Variants in ADCY5 observed in about 807,000 individuals in gnomAD.
The protein encoded by ADCY5 is adenylate cyclase type 5.
A neutral mutation model predicts 119.7 loss-of-function variants in ADCY5; 30 were observed. The observed-to-expected ratio is 0.25, with a 90% CI of 0.19 to 0.34. The LOEUF is 0.34. Among genes scored for constraint, ADCY5 ranks in the 10% least tolerant of loss-of-function variants. The pLI is 1.00. For missense variants in ADCY5, 1,324 were observed against 1,775.2 expected (o/e 0.75, Z 4.57); for synonymous variants, 753 against 762.2 (o/e 0.99, Z 0.20).
Position 123,365,544 on chromosome 3 carries a change from T to C in ADCY5, c.1135-12963A>G, listed in dbSNP as rs376000472. ...GCAAGGAGTATTTGAGCCTGGGTGA[T>C]GTATCTATGGGAAGAAGAGAGCTTC... is the stretch of plus-strand genomic sequence containing the variant. On this transcript the variant is annotated intron_variant, in intron 1 of 20. Transcript: ENST00000462833. 1.5e-4 allele frequency among the ~76,000 whole-genome samples: 23 copies of C among 152,184 alleles called. No individual in the cohort carries two copies. The East Asian group carries it at 1.9e-3, about 13-fold the overall frequency.
At chr3:123,419,022 AGAC>A in intron 1 of ADCY5, 1 of 509,288 alleles carries the variant, frequency 2.0e-6, no homozygotes. Flanking sequence ...TCCAGCTTAC[AGAC>A]AACAGCTCAT....
At chr3:123,370,401 C>G (rs1394873971) in intron 1 of ADCY5, among the ~76,000 whole-genome samples, 1 of 152,246 alleles carries the variant, frequency 6.6e-6, no homozygotes, top group Non-Finnish European at 1.5e-5. Flanking sequence ...CAGCCACAGA[C>G]AGCATTTCTC....
At position 123,347,843 on chromosome 3, in the gene ADCY5, T is replaced by C; in HGVS notation, c.1345A>G (p.Asn449Asp). 6.2e-7 allele frequency: 1 copy of C among 1,614,154 alleles called. No individual in the cohort carries two copies. Among genetic ancestry groups the C allele is most frequent in the Non-Finnish European group, 8.5e-7 (1 of 1,180,018 alleles). The part of the protein sequence containing the change: ...HVAMEMKADI[N>D]AKQEDMMFHK... ...AACATCATATCCTCCTGCTTGGCGT[T>C]GATGTCTGCTTTCATCTCCATGGCA... is the stretch of plus-strand genomic sequence containing the variant. The change falls in exon 3 of 21, where the codon AAC (asparagine) becomes GAC (aspartate). Residue 449 changes from asparagine to aspartate, a missense_variant. Physicochemically the swap from Asn to Asp is conservative, Grantham distance 23. Coordinates refer to ENST00000462833, the MANE Select transcript of ADCY5 (RefSeq NM_183357.3).
chr3:123,440,411 A>G (rs1945703257), intron 1 of ADCY5, among the ~76,000 whole-genome samples: 1 of 152,210 alleles, frequency 6.6e-6, no homozygotes, highest in African/African-American at 2.4e-5. Flanking sequence ...ACATGAGGCT[A>G]GCCTAAAGAA....
At chr3:123,371,475 A>G (rs1265484581) in intron 1 of ADCY5, among the ~76,000 whole-genome samples, 1 of 152,254 alleles carries the variant, frequency 6.6e-6, no homozygotes, top group Non-Finnish European at 1.5e-5. Context: ...AGATAAGAAC[A>G]TCGGCAATTT....
intron 2 of ADCY5, among the ~76,000 whole-genome samples, chr3:123,350,590 C>A (rs1942790202): frequency 6.6e-6 from 1 of 152,210 alleles, no homozygotes; most frequent in South Asian, 2.1e-4. Context: ...TCTGAGCCCA[C>A]TCATCACAGG....
intron 1 of ADCY5, among the ~76,000 whole-genome samples, chr3:123,420,609 C>T (rs1945285143): frequency 6.6e-6 from 1 of 152,134 alleles, no homozygotes; most frequent in Admixed American, 6.5e-5. Flanking sequence ...TTGAGGCCAG[C>T]CAAAGCCTCG....
chr3:123,424,415 G>C (rs757314640), intron 1 of ADCY5, among the ~76,000 whole-genome samples: 2 of 152,198 alleles, frequency 1.3e-5, no homozygotes, highest in African/African-American at 2.4e-5. Context: ...GGCCTCCCCA[G>C]GGGGAAGGCG....
chr3:123,398,604 AGATCAAATCTAAAT>A (rs1944668049), intron 1 of ADCY5, among the ~76,000 whole-genome samples: 2 of 152,302 alleles, frequency 1.3e-5, no homozygotes, highest in East Asian at 3.9e-4. Context: ...CCAGCTTATC[AGATCAAATCTAAAT>A]GTTTGTAATA....
chr3:123,296,914 C>A lies in ADCY5; in HGVS notation c.2930+439G>T, dbSNP rs1440019581. On this transcript the variant is annotated intron_variant, in intron 16 of 20. Transcript: ENST00000462833. ...GGCTGCACAGAGGCTCCAGTGACCCCCCGCCCCTTGCCCAGGCAGCAGCCC... is the reference window on the plus strand; with the variant it reads ...GGCTGCACAGAGGCTCCAGTGACCCACCGCCCCTTGCCCAGGCAGCAGCCC... The A allele has an allele frequency of 2.1e-6, 3 of 1,411,496 alleles. No homozygotes were observed. In the South Asian group the frequency reaches 4.0e-5, roughly 19 times the overall value. 87.4% of individuals were successfully genotyped at this position (1,411,496 alleles called of 1,614,324 possible).
In ADCY5 at chr3:123,342,557, A is replaced by G. The variant is rs559546837; in HGVS notation, c.1406+5225T>C. On this transcript the variant is annotated intron_variant, in intron 3 of 20. Coordinates refer to ENST00000462833, the MANE Select transcript of ADCY5 (RefSeq NM_183357.3). ...GGTGCCTGATCCAAGTTGGTGAACC[A>G]AGATCCCCCAACCCGTGCCCCATCC... 2.0e-5 allele frequency among the ~76,000 whole-genome samples: 3 copies of G among 152,214 alleles called. No homozygotes were observed. In the South Asian group the frequency reaches 6.2e-4, roughly 32 times the overall value.
At chr3:123,306,372 A>G (rs1026718608) in intron 12 of ADCY5, among the ~76,000 whole-genome samples, 3 of 152,338 alleles carry the variant, frequency 2.0e-5, no homozygotes, top group East Asian at 1.9e-4. Context: ...CTGTACAAAA[A>G]TGAACTCAAA....
chr3:123,436,892 G>A (rs947105847), intron 1 of ADCY5, among the ~76,000 whole-genome samples: 3 of 152,072 alleles, frequency 2.0e-5, no homozygotes, highest in African/African-American at 4.8e-5. Flanking sequence ...ATGCATTTTC[G>A]TCCTTAGTAA....
intron 10 of ADCY5, 135 bp downstream of exon 10, chr3:123,319,539 A>G (rs1483850149): frequency 5.6e-6 from 6 of 1,076,872 alleles, no homozygotes; most frequent in African/African-American, 1.6e-5. Flanking sequence ...TAGGTAGTGC[A>G]GCATCAGAGC....
In ADCY5 at chr3:123,304,060, C is replaced by T. The variant is rs956330230; in HGVS notation, c.2559+7G>A. On this transcript the variant is annotated splice_region_variant and intron_variant, in intron 13 of 20. Coordinates refer to ENST00000462833, the MANE Select transcript of ADCY5 (RefSeq NM_183357.3). ...CGGAGGTGCTAGGAGGTCGTGCAGC[C>T]ACCCACCATGTTGACAAAAGCCGCC... 1.9e-6 allele frequency: 3 copies of T among 1,595,378 alleles called. No homozygotes were observed. The highest frequency in any genetic ancestry group is 2.6e-6 in the Non-Finnish European group (3 of 1,163,160).
In ADCY5 at chr3:123,287,670, C is replaced by T. The variant is rs565647511; in HGVS notation, c.3533-861G>A. 4.7e-4 allele frequency among the ~76,000 whole-genome samples: 71 copies of T among 152,310 alleles called. 1 individual carries two copies. The highest frequency in any genetic ancestry group is 4.5e-3 in the Admixed American group (69 of 15,302). On this transcript the variant is annotated intron_variant, in intron 19 of 20. Transcript: ENST00000462833. Reference sequence around the variant, plus strand: ...GTCCTCAGAACTTCCTTCCACGACCCTCCTCATCAGTCCTTCCAAGCCGCA... The same window carrying T: ...GTCCTCAGAACTTCCTTCCACGACCTTCCTCATCAGTCCTTCCAAGCCGCA...
Position 123,286,571 on chromosome 3 carries a change from A to G in ADCY5, c.3657+114T>C. The G allele has an allele frequency of 7.1e-7, 1 of 1,416,748 alleles. No homozygotes were observed. Among genetic ancestry groups the G allele is most frequent in the Non-Finnish European group, 9.4e-7 (1 of 1,060,722 alleles). The allele number at this position is 1,416,748 out of a possible 1,614,324, so 87.8% of individuals were successfully genotyped here. The stretch of plus-strand genomic sequence containing the variant: ...GCGTCAACAGCCCCATCACCCTTGA[A>G]TCTGGCTGCAGACATTCTGACTGGG... On this transcript the variant is annotated intron_variant, in intron 20 of 20. Coordinates refer to ENST00000462833, the MANE Select transcript of ADCY5 (RefSeq NM_183357.3). The surrounding 1 kb of genome is among the most constrained non-coding windows in gnomAD (Gnocchi z 4.2).
intron 1 of ADCY5, among the ~76,000 whole-genome samples, chr3:123,374,647 C>T (rs982435453): frequency 2.0e-5 from 3 of 152,192 alleles, no homozygotes; most frequent in African/African-American, 7.2e-5. Flanking sequence ...CTGTGCTACA[C>T]TGGCTCCACC....
At chr3:123,445,393 G>A (rs1479753100) in intron 1 of ADCY5, among the ~76,000 whole-genome samples, 1 of 139,424 alleles carries the variant, frequency 7.2e-6, no homozygotes, top group East Asian at 2.0e-4. Context: ...ACCCCCCTCA[G>A]GAGAAACCAT....
Sources: allele counts gnomAD v4.1 joint callset (sites outside exome capture counted in the v4.1 genomes callset), GRCh38; gene constraint gnomAD v4.1.1; non-coding constraint Gnocchi (gnomAD v3.1); transcripts MANE v1.5; gene names NCBI Gene and HGNC (gene_info 2026-07-23, HGNC 2026-07-21).